Variants in NIPBL observed in about 807,000 individuals in gnomAD.
The protein encoded by NIPBL is NIPBL cohesin loading factor, also known as nipped-B-like protein.
Under a neutral mutation model 321.8 loss-of-function variants are expected in NIPBL, and 19 were observed. That is an observed-to-expected ratio of 0.06 (90% CI 0.04 to 0.09). The LOEUF is 0.09. NIPBL is among the 10% of genes least tolerant of loss of function. NIPBL has a pLI of 1.00. For synonymous variants in NIPBL, 1,106 were observed against 1,114.1 expected, an observed-to-expected ratio of 0.99 and a Z score of 0.14; for missense variants, 2,210 against 3,327.0, an observed-to-expected ratio of 0.66 and a Z score of 8.26.
chr5:36,918,861 C>T (rs1410254345), intron 1 of NIPBL, among the ~76,000 whole-genome samples: 3 of 152,052 alleles, frequency 2.0e-5, no homozygotes, highest in African/African-American at 7.2e-5. Flanking sequence ...AGTCTTGCAT[C>T]CCAAGGATGA....
At chr5:36,961,998 T>G (rs1015312566) in intron 5 of NIPBL, 125 bp from the exon 6 acceptor site, 1 of 1,074,088 alleles carries the variant, frequency 9.3e-7, no homozygotes, top group Admixed American at 2.1e-5. Context: ...TGCAAGATTC[T>G]TCTGTTTGCA....
At chr5:36,896,040 G>A (rs1301798523) in intron 1 of NIPBL, among the ~76,000 whole-genome samples, 1 of 151,602 alleles carries the variant, frequency 6.6e-6, no homozygotes, top group Non-Finnish European at 1.5e-5. Flanking sequence ...GACAGGAAAA[G>A]TTACACCCGT....
intron 6 of NIPBL, among the ~76,000 whole-genome samples, chr5:36,968,687 C>G (rs1742515456): frequency 6.6e-6 from 1 of 152,036 alleles, no homozygotes; most frequent in South Asian, 2.1e-4. Flanking sequence ...ACAGCAAGAC[C>G]CCATCTGTAT....
At chr5:36,993,942 G>C (rs150009554) in intron 10 of NIPBL, among the ~76,000 whole-genome samples, 2 of 152,076 alleles carry the variant, frequency 1.3e-5, no homozygotes, top group Non-Finnish European at 2.9e-5. Context: ...ATATTATGTA[G>C]GTCATGTGGA....
rs1750937089 is a variant in NIPBL, at chr5:37,030,923, T to A, written c.5862+3511T>A. Among the ~76,000 whole-genome samples the A allele has an allele frequency of 6.4e-5, 9 of 141,336 alleles. No homozygotes were observed. The South Asian group carries it at 2.0e-3, about 31-fold the overall frequency. 92.7% of individuals were successfully genotyped at this position (141,336 alleles called of 152,430 possible). ...GCATGCACCACCATGTTTAGCCTTT[T>A]TTTTTTTTTTTTTTTTTTTTGAGAC... is the stretch of plus-strand genomic sequence containing the variant. On this transcript the variant is annotated intron_variant, in intron 32 of 46. Coordinates refer to ENST00000282516, the MANE Select transcript of NIPBL (RefSeq NM_133433.4).
intron 1 of NIPBL, among the ~76,000 whole-genome samples, chr5:36,936,654 C>A (rs1372382468): frequency 1.3e-5 from 2 of 152,102 alleles, no homozygotes; most frequent in East Asian, 3.9e-4. Flanking sequence ...TTCTCACTAC[C>A]ATCCCATTTT....
chr5:36,927,164 T>C (rs1262873519), intron 1 of NIPBL, among the ~76,000 whole-genome samples: 12 of 152,196 alleles, frequency 7.9e-5, no homozygotes, highest in Admixed American at 6.6e-4. Flanking sequence ...GTATGAGATC[T>C]GAGAAAAGAA....
intron 8 of NIPBL, among the ~76,000 whole-genome samples, chr5:36,974,582 A>G (rs968918950): frequency 1.3e-5 from 2 of 152,166 alleles, no homozygotes; most frequent in African/African-American, 4.8e-5. Flanking sequence ...TGTTGTAAAA[A>G]TCAAGTGAAT....
intron 36 of NIPBL, among the ~76,000 whole-genome samples, chr5:37,044,962 C>T (rs1384099345): frequency 6.6e-6 from 1 of 152,150 alleles, no homozygotes; most frequent in Non-Finnish European, 1.5e-5. Flanking sequence ...ATTTTTTGCG[C>T]ACTGTGAAAA....
rs1755201534 is a variant in NIPBL at position 37,064,522 on chromosome 5, T to A, written c.8050-5T>A. 6.2e-7 allele frequency: 1 copy of A among 1,612,178 alleles called. No individual in the cohort carries two copies. Among genetic ancestry groups the A allele is most frequent in the African/African-American group, 1.3e-5 (1 of 74,918 alleles). On this transcript the variant is annotated splice_region_variant and splice_polypyrimidine_tract_variant and intron_variant, in intron 46 of 46. Coordinates refer to ENST00000282516, the MANE Select transcript of NIPBL (RefSeq NM_133433.4). ...GGTCTTTTTTCCCCCCTCCCAATGT[T>A]TTAGTCATTGAGAAGGTCAAAACGA... is the stretch of plus-strand genomic sequence containing the variant.
At chr5:37,064,050 C>CA (rs1561232172) in intron 46 of NIPBL, 72 bp downstream of exon 46, 9 of 1,569,922 alleles carry the variant, frequency 5.7e-6, no homozygotes, top group Non-Finnish European at 6.9e-6. Flanking sequence ...TTATATATGT[C>CA]AGTCTATTAA....
intron 16 of NIPBL, among the ~76,000 whole-genome samples, chr5:37,003,868 T>C (rs1177398774): frequency 1.3e-5 from 2 of 152,322 alleles, no homozygotes; most frequent in Non-Finnish European, 2.9e-5. Flanking sequence ...TGAAAATGTT[T>C]GTCAATTTAA....
chr5:36,922,432 A>T (rs1257788979), intron 1 of NIPBL, among the ~76,000 whole-genome samples: 1 of 152,084 alleles, frequency 6.6e-6, no homozygotes, highest in Non-Finnish European at 1.5e-5. Flanking sequence ...TCATAGAAAA[A>T]GTATTTTGAG....
chr5:36,880,332 G>C (rs1250037649), intron 1 of NIPBL, among the ~76,000 whole-genome samples: 1 of 151,968 alleles, frequency 6.6e-6, no homozygotes, highest in Non-Finnish European at 1.5e-5. Flanking sequence ...ATAAGATGTA[G>C]TAATTAATAA....
intron 32 of NIPBL, among the ~76,000 whole-genome samples, chr5:37,032,770 A>G (rs757520544): frequency 5.3e-5 from 8 of 152,146 alleles, no homozygotes; most frequent in Non-Finnish European, 8.8e-5. Flanking sequence ...GTGAGACTCT[A>G]TCTCACTCAC....
At chr5:37,021,917 A>T (rs1749694811) in intron 27 of NIPBL, 134 bp from the exon 28 acceptor site, 1 of 723,860 alleles carries the variant, frequency 1.4e-6, no homozygotes, top group East Asian at 2.7e-5. Context: ...ATTAGGAAAG[A>T]TCCTTTACTC....
At chr5:36,955,708 G>C in intron 3 of NIPBL, 71 bp downstream of exon 3, 2 of 1,269,516 alleles carry the variant, frequency 1.6e-6, no homozygotes, top group Non-Finnish European at 2.3e-6. Flanking sequence ...CCGTATTCCT[G>C]GTTTTATTTC....
chr5:36,926,688 A>G (rs546223634), intron 1 of NIPBL, among the ~76,000 whole-genome samples: 2 of 152,184 alleles, frequency 1.3e-5, no homozygotes, highest in South Asian at 4.1e-4. Flanking sequence ...TTACCTCAAT[A>G]TGAGGACTAG....
At position 36,985,671 on chromosome 5, in the gene NIPBL, G is replaced by A. The variant is rs1284446187; in HGVS notation, c.2491G>A (p.Glu831Lys). Reference sequence around the variant, plus strand: ...AAAATCAGATGACAGGGGTGAATCAGAGCGACATCGAGGGGATCAGTCTAG... The same window carrying A: ...AAAATCAGATGACAGGGGTGAATCAAAGCGACATCGAGGGGATCAGTCTAG... ...KQKSDDRGESERHRGDQSRVR... is the reference protein window; with the variant it reads ...KQKSDDRGESKRHRGDQSRVR... The change falls in exon 10 of 47, where the codon GAG (glutamate) becomes AAG (lysine). Residue 831 changes from glutamate (E) to lysine (K), a missense_variant. Glu to Lys is a moderately conservative substitution (Grantham distance 56). Transcript: ENST00000282516. The A allele has an allele frequency of 6.2e-7, 1 of 1,613,948 alleles. No individual in the cohort carries two copies. The highest frequency in any genetic ancestry group is 8.5e-7 in the Non-Finnish European group (1 of 1,179,972).
Sources: gnomAD v4.1 joint callset for allele counts (sites outside exome capture counted in the v4.1 genomes callset) on GRCh38, gnomAD v4.1.1 for gene constraint, MANE v1.5 for transcripts, NCBI Gene and HGNC (gene_info 2026-07-23, HGNC 2026-07-21) for gene names.